Variants in CAPZB observed in about 807,000 individuals in gnomAD.
CAPZB encodes F-actin-capping protein subunit beta.
CAPZB carries 2 observed loss-of-function variants against 38.1 expected under a neutral mutation model. That is an observed-to-expected ratio of 0.05 (90% confidence interval 0.02 to 0.17). The LOEUF (loss-of-function observed/expected upper bound fraction) is 0.17, where lower values mean the gene tolerates loss of function less well. Ranked by LOEUF, CAPZB falls within the 10% of genes least tolerant of loss-of-function variation. The probability of loss-of-function intolerance (pLI) is 1.00; values close to 1 mark genes in which losing one functional copy is unlikely to be tolerated. For missense variants in CAPZB, 161 were observed against 334.2 expected, an observed-to-expected ratio of 0.48 and a Z score of 4.04; for synonymous variants, 107 against 127.4, an observed-to-expected ratio of 0.84 and a Z score of 1.08.
At chr1:19,350,425 G>T (rs2093985474) in intron 6 of CAPZB, among the ~76,000 whole-genome samples, 1 of 152,252 alleles carries the variant, frequency 6.6e-6, no homozygotes, top group Non-Finnish European at 1.5e-5. Flanking sequence ...CTGGCCTCTG[G>T]CATCCTCCTG....
intron 1 of CAPZB, among the ~76,000 whole-genome samples, chr1:19,442,037 G>GAGGTATCC (rs1464721865): frequency 6.8e-6 from 1 of 147,592 alleles, no homozygotes; most frequent in African/African-American, 2.5e-5. Flanking sequence ...AAGCACAGGA[G>GAGGTATCC]AGGTATCCAC....
rs531317274 is a variant in CAPZB, at chr1:19,339,496, T to C, written c.*34A>G. On this transcript the variant is annotated 3_prime_UTR_variant, in exon 9 of 9. Transcript: ENST00000264202. Reference sequence around the variant, plus strand: ...TTTTCTAAGAAAGGAATCTAACGAGTGCACGGCGTGTCTGGTTAGCATGAA... The same window carrying C: ...TTTTCTAAGAAAGGAATCTAACGAGCGCACGGCGTGTCTGGTTAGCATGAA... 6.7e-6 allele frequency: 10 copies of C among 1,481,656 alleles called. No individual in the cohort carries two copies. In the Middle Eastern group the frequency reaches 5.1e-4, roughly 76 times the overall value. The allele number at this position is 1,481,656 out of a possible 1,614,324, so 91.8% of individuals were successfully genotyped here.
chr1:19,417,186 G>T (rs1399312433), intron 2 of CAPZB, among the ~76,000 whole-genome samples: 1 of 152,150 alleles, frequency 6.6e-6, no homozygotes, highest in Admixed American at 6.5e-5. Context: ...AGTGATGAGG[G>T]AGTCCCGGAG....
At chr1:19,462,726 A>G (rs1031989242) in intron 1 of CAPZB, among the ~76,000 whole-genome samples, 12 of 152,242 alleles carry the variant, frequency 7.9e-5, no homozygotes, top group African/African-American at 2.9e-4. Context: ...TCTGGCTCCT[A>G]TCCAGAAGAA....
At chr1:19,348,905 G>GC (rs2093977060) in intron 6 of CAPZB, among the ~76,000 whole-genome samples, 2 of 152,100 alleles carry the variant, frequency 1.3e-5, no homozygotes, top group Non-Finnish European at 2.9e-5. Flanking sequence ...AGAAATGCTA[G>GC]AAAGACCGGC....
intron 1 of CAPZB, among the ~76,000 whole-genome samples, chr1:19,475,969 C>A (rs1558296233): frequency 6.6e-6 from 1 of 152,142 alleles, no homozygotes; most frequent in Non-Finnish European, 1.5e-5. Context: ...AAGAAACAAA[C>A]TTACCAGGCA....
At chr1:19,448,726 A>G (rs1038128881) in intron 1 of CAPZB, 7 of 1,358,930 alleles carry the variant, frequency 5.2e-6, no homozygotes, top group Non-Finnish European at 7.2e-6. Flanking sequence ...GGATTCCATC[A>G]GCTTTGCTAT....
At chr1:19,352,214 G>A (rs2093995381) in intron 6 of CAPZB, among the ~76,000 whole-genome samples, 1 of 152,212 alleles carries the variant, frequency 6.6e-6, no homozygotes, top group Non-Finnish European at 1.5e-5. Context: ...AGTCAAAGAG[G>A]ATGTTCCTGC....
chr1:19,456,551 G>A (rs1367025937), intron 1 of CAPZB, among the ~76,000 whole-genome samples: 1 of 152,046 alleles, frequency 6.6e-6, no homozygotes, highest in Non-Finnish European at 1.5e-5. Context: ...TGCCTCACAT[G>A]GAATGCAGAA....
chr1:19,384,398 C>T (rs1239384065), intron 3 of CAPZB, among the ~76,000 whole-genome samples: 1 of 152,252 alleles, frequency 6.6e-6, no homozygotes, highest in African/African-American at 2.4e-5. Context: ...CCTTCCCTGC[C>T]TGCCCGTCCT....
chr1:19,369,503 C>A (rs71645446), intron 4 of CAPZB, among the ~76,000 whole-genome samples: 19 of 152,318 alleles, frequency 1.2e-4, no homozygotes, highest in African/African-American at 4.3e-4. Context: ...TGTCCCACAG[C>A]AGGCAGGGCG....
intron 4 of CAPZB, among the ~76,000 whole-genome samples, chr1:19,375,488 C>A: frequency 6.6e-6 from 1 of 152,220 alleles, no homozygotes; most frequent in East Asian, 1.9e-4. Context: ...CCTCCTTCCT[C>A]CCGAGGTGCT....
intron 1 of CAPZB, among the ~76,000 whole-genome samples, chr1:19,446,820 T>C (rs1013989391): frequency 2.6e-5 from 4 of 152,168 alleles, no homozygotes; most frequent in East Asian, 3.8e-4. Flanking sequence ...GTTAACAGTG[T>C]TTTTCTTTAG....
intron 1 of CAPZB, among the ~76,000 whole-genome samples, chr1:19,432,700 G>C (rs1180340467): frequency 6.6e-6 from 1 of 152,200 alleles, no homozygotes; most frequent in African/African-American, 2.4e-5. Context: ...AGTAAAATGA[G>C]GCCCTGAAGG....
intron 4 of CAPZB, among the ~76,000 whole-genome samples, chr1:19,370,424 C>T (rs891332435): frequency 6.6e-6 from 1 of 152,176 alleles, no homozygotes; most frequent in Non-Finnish European, 1.5e-5. Flanking sequence ...AGAAACCAGG[C>T]ACCAGCTTTC....
chr1:19,355,788 T>C (rs1267325957), intron 6 of CAPZB, among the ~76,000 whole-genome samples: 2 of 152,208 alleles, frequency 1.3e-5, no homozygotes, highest in Non-Finnish European at 2.9e-5. Flanking sequence ...CTCTTCCCCC[T>C]TTACGCCAAG....
chr1:19,484,799 G>A (rs1407862570), intron 1 of CAPZB: 3 of 722,644 alleles, frequency 4.2e-6, no homozygotes, highest in East Asian at 1.1e-4. Flanking sequence ...GTGGGGAGGG[G>A]GCAGTGAGGT....
chr1:19,354,432 C>T (rs59161035), intron 6 of CAPZB, among the ~76,000 whole-genome samples: 3,057 of 152,248 alleles, frequency 0.02, 105 homozygotes, highest in African/African-American at 0.07. Flanking sequence ...TGCAATCCCT[C>T]CCCCTTCTGT....
intron 2 of CAPZB, among the ~76,000 whole-genome samples, chr1:19,406,541 G>A (rs1039022070): frequency 6.6e-6 from 1 of 152,150 alleles, no homozygotes; most frequent in African/African-American, 2.4e-5. Flanking sequence ...GACCTGCAGT[G>A]ACAAGGAGAA....
Sources: gnomAD v4.1 joint callset for allele counts (sites outside exome capture counted in the v4.1 genomes callset) on GRCh38, gnomAD v4.1.1 for gene constraint, MANE v1.5 for transcripts, NCBI Gene and HGNC (gene_info 2026-07-23, HGNC 2026-07-21) for gene names.